Variants in C16orf96 observed in about 807,000 individuals in gnomAD.
C16orf96 encodes chromosome 16 open reading frame 96.
C16orf96 carries 108 observed loss-of-function variants against 103.6 expected under a neutral mutation model. That is an observed-to-expected ratio of 1.04 (90% CI 0.89 to 1.22). The LOEUF (loss-of-function observed/expected upper bound fraction) is 1.22. Among genes scored for constraint, C16orf96 ranks in the 50% most tolerant of loss-of-function variants. C16orf96 has a pLI of 0.00. For synonymous variants in C16orf96, 566 were observed against 593.5 expected (o/e 0.95, Z 0.67); for missense variants, 1,586 against 1,464.2 (o/e 1.08, Z -1.36).
intron 1 of C16orf96, chr16:4,562,860 T>C: frequency 7.2e-7 from 1 of 1,380,452 alleles, no homozygotes; most frequent in South Asian, 1.2e-5. Flanking sequence ...TTCTGTCAGC[T>C]GGCTCCATTG....
the C16orf96 span, among the ~76,000 whole-genome samples, chr16:4,549,594 T>C: frequency 6.6e-6 from 1 of 151,706 alleles, no homozygotes; most frequent in Non-Finnish European, 1.5e-5. Flanking sequence ...GGTTAGGAAT[T>C]CAAAACCAGC....
intron 1 of C16orf96, among the ~76,000 whole-genome samples, chr16:4,563,817 C>T (rs1455596045): frequency 6.6e-6 from 1 of 150,400 alleles, no homozygotes; most frequent in Non-Finnish European, 1.5e-5. Context: ...GATCCACCCG[C>T]CTGGGCCTCC....
chr16:4,543,426 G>A, the C16orf96 span, among the ~76,000 whole-genome samples: 2 of 152,094 alleles, frequency 1.3e-5, no homozygotes, highest in Non-Finnish European at 2.9e-5. Flanking sequence ...GGTAGTGGGT[G>A]ATGTAATGTT....
intron 9 of C16orf96, among the ~76,000 whole-genome samples, chr16:4,589,042 A>C (rs1223711013): frequency 2.6e-5 from 4 of 152,188 alleles, no homozygotes; most frequent in African/African-American, 9.7e-5. Context: ...CATCACTGGC[A>C]GTCAGTAAAC....
At chr16:4,578,875 A>G in intron 5 of C16orf96, 65 bp from the exon 6 acceptor site, 1 of 1,278,820 alleles carries the variant, frequency 7.8e-7, no homozygotes, top group Non-Finnish European at 1.1e-6. Flanking sequence ...AGAAGCAGCT[A>G]GAGCCCAACA....
chr16:4,554,941 C>A (rs975136725), upstream of C16orf96, among the ~76,000 whole-genome samples: 3 of 151,986 alleles, frequency 2.0e-5, no homozygotes, highest in African/African-American at 7.2e-5. Context: ...CAATGCCCTT[C>A]TTACCACCTG....
At chr16:4,598,923 G>A (rs969741992) in intron 14 of C16orf96, among the ~76,000 whole-genome samples, 5 of 151,962 alleles carry the variant, frequency 3.3e-5, no homozygotes, top group South Asian at 2.1e-4. Context: ...TTCAAGACTA[G>A]CCTGAGCAAC....
At chr16:4,574,134 T>C (rs1190529793) in intron 2 of C16orf96, among the ~76,000 whole-genome samples, 6 of 150,480 alleles carry the variant, frequency 4.0e-5, no homozygotes, top group Admixed American at 4.0e-4. Flanking sequence ...TGCCCGGCCC[T>C]CTTGGAGATT....
intron 2 of C16orf96, among the ~76,000 whole-genome samples, chr16:4,573,213 G>A (rs961736581): frequency 1.3e-5 from 2 of 151,886 alleles, no homozygotes; most frequent in African/African-American, 4.8e-5. Flanking sequence ...CAAAGCAGGC[G>A]GATCACCTGA....
At chr16:4,596,209 G>C (rs1314425639) in intron 14 of C16orf96, among the ~76,000 whole-genome samples, 1 of 152,072 alleles carries the variant, frequency 6.6e-6, no homozygotes, top group Non-Finnish European at 1.5e-5. Flanking sequence ...CCCATTGGCC[G>C]GGCACGGTGG....
chr16:4,547,626 CTCTT>C, the C16orf96 span, among the ~76,000 whole-genome samples: 6 of 150,060 alleles, frequency 4.0e-5, no homozygotes, highest in South Asian at 2.1e-4. Context: ...TTCTTTCTTT[CTCTT>C]TCTTTCTGTC....
Position 4,594,761 on chromosome 16 carries a change from C to T in C16orf96, c.3085C>T (p.Gln1029Ter), listed in dbSNP as rs770749137. 30 of 1,551,022 alleles carry T rather than the reference C, an allele frequency of 1.9e-5. No homozygotes were observed. Among genetic ancestry groups the T allele is most frequent in the Non-Finnish European group, 2.5e-5 (29 of 1,146,916 alleles). The change falls in exon 14 of 16, where the codon CAG (glutamine) becomes TAG (stop). Residue 1029 changes from glutamine (Q) to a stop codon, truncating the protein, a stop_gained. Coordinates refer to ENST00000444310, the MANE Select transcript of C16orf96 (RefSeq NM_001145011.2). LOFTEE classifies it high-confidence loss of function. The part of the protein sequence containing the change: ...GILYKGRVNS[Q>*]RGAQPLAVAK... The stretch of plus-strand genomic sequence containing the variant: ...CCTGTACAAAGGCCGCGTGAACAGC[C>T]AGCGTGGGGCTCAGCCCTTGGCCGT...
At chr16:4,539,712 G>A in the C16orf96 span, among the ~76,000 whole-genome samples, 1,172 of 151,952 alleles carry the variant, frequency 7.7e-3, 17 homozygotes, top group African/African-American at 0.027. Context: ...AAGAAATTAC[G>A]GTTTAGGAGT....
chr16:4,548,789 C>G, the C16orf96 span, among the ~76,000 whole-genome samples: 20 of 150,880 alleles, frequency 1.3e-4, no homozygotes, highest in East Asian at 3.7e-3. Flanking sequence ...AGGAGAATCG[C>G]TTGAACCCGG....
chr16:4,571,605 C>T lies in C16orf96; in HGVS notation c.465C>T (p.Leu155=), dbSNP rs896087207. The T allele has an allele frequency of 2.6e-6, 4 of 1,552,224 alleles. No homozygotes were observed. The highest frequency in any genetic ancestry group is 2.0e-5 in the Admixed American group (1 of 50,986). Residue 155 remains leucine (L), a synonymous_variant, in exon 2 of 16, where the codon CTC becomes CTT. Coordinates refer to ENST00000444310, the MANE Select transcript of C16orf96 (RefSeq NM_001145011.2). ...ACTTGCTCACTGATCTTCATGCACT[C>T]CAGGTCACCATCACAGCCCTCAGAA... ...LQDLLTDLHA[L]QVTITALRKE...
At chr16:4,578,074 C>T (rs1183199337) in intron 5 of C16orf96, among the ~76,000 whole-genome samples, 1 of 152,192 alleles carries the variant, frequency 6.6e-6, no homozygotes, top group Non-Finnish European at 1.5e-5. Context: ...CGTGCCACTG[C>T]ACTCCAGCCT....
chr16:4,543,623 C>T, the C16orf96 span, among the ~76,000 whole-genome samples: 2 of 151,866 alleles, frequency 1.3e-5, no homozygotes, highest in African/African-American at 4.8e-5. Context: ...CCATACCTAG[C>T]CATGATCCGT....
At position 4,600,491 on chromosome 16, in the gene C16orf96, C is replaced by A. The variant is rs1198656675; in HGVS notation, c.*174C>A. The A allele has an allele frequency of 4.2e-6, 2 of 473,262 alleles. No homozygotes were observed. Among genetic ancestry groups the A allele is most frequent in the South Asian group, 2.2e-5 (1 of 45,486 alleles). 29.3% of individuals were successfully genotyped at this position (473,262 alleles called of 1,614,324 possible). On this transcript the variant is annotated 3_prime_UTR_variant, in exon 16 of 16. Transcript: ENST00000444310. ...ATGTCCGAGGCTGAGGCTCATGCGC[C>A]CCCCCCCATCCCTACCAAGTCCCCT...
intron 1 of C16orf96, among the ~76,000 whole-genome samples, chr16:4,567,620 A>G (rs114914341): frequency 0.078 from 11,265 of 144,860 alleles, 736 homozygotes; most frequent in African/African-American, 0.17. Flanking sequence ...CTTCTTTGAC[A>G]TATTTGTCAT....
Sources: allele counts gnomAD v4.1 joint callset (sites outside exome capture counted in the v4.1 genomes callset), GRCh38; gene constraint gnomAD v4.1.1; transcripts MANE v1.5; gene names NCBI Gene and HGNC (gene_info 2026-07-23, HGNC 2026-07-21).